The following GRID2 variants were observed in gnomAD, a reference collection of about 807,000 sequenced individuals.
GRID2 encodes the protein glutamate receptor ionotropic, delta-2.
Under a neutral mutation model 114.8 loss-of-function variants are expected in GRID2, and 33 were observed. The observed-to-expected ratio is 0.29, with a 90% CI of 0.22 to 0.38. The LOEUF (loss-of-function observed/expected upper bound fraction) is 0.38, where lower values mean the gene tolerates loss of function less well. Among genes scored for constraint, GRID2 ranks in the 10% least tolerant of loss-of-function variants. GRID2 has a pLI of 1.00. For synonymous variants in GRID2, 505 were observed against 449.9 expected (o/e 1.12, Z -1.55); for missense variants, 1,184 against 1,257.7 (o/e 0.94, Z 0.89).
At chr4:93,052,714 TAA>T (rs986706135) in intron 2 of GRID2, among the ~76,000 whole-genome samples, 13 of 151,904 alleles carry the variant, frequency 8.6e-5, no homozygotes, top group African/African-American at 3.1e-4. Context: ...TTTTAATATT[TAA>T]GTTACTATGA....
chr4:93,459,706 C>T (rs1451780651), intron 11 of GRID2, among the ~76,000 whole-genome samples: 1 of 152,134 alleles, frequency 6.6e-6, no homozygotes, highest in Non-Finnish European at 1.5e-5. Context: ...TCTTGAACTT[C>T]AGATTTGTAT....
intron 8 of GRID2, among the ~76,000 whole-genome samples, chr4:93,330,151 G>T (rs952063315): frequency 2.6e-5 from 4 of 152,122 alleles, no homozygotes; most frequent in African/African-American, 9.7e-5. Context: ...ACAAACAAAA[G>T]TGCTTTCTCC....
At chr4:93,251,688 A>G (rs1167586025) in intron 8 of GRID2, among the ~76,000 whole-genome samples, 2 of 152,082 alleles carry the variant, frequency 1.3e-5, no homozygotes, top group African/African-American at 4.8e-5. Context: ...TCCAGGCTCC[A>G]GTATGTGTCG....
intron 2 of GRID2, among the ~76,000 whole-genome samples, chr4:92,730,324 GT>G (rs1236476465): frequency 6.6e-6 from 1 of 151,658 alleles, no homozygotes; most frequent in Non-Finnish European, 1.5e-5. Context: ...AGGAAGCTTC[GT>G]TTTTTTCTCT....
rs1579239420 is a variant in GRID2 at position 93,189,811 on chromosome 4, AC to A, written c.736-17592del. ...CACACACACACACACACACACACAC[AC>A]ACAAATCTCATCTTTAAAAAAAAAA... On this transcript the variant is annotated intron_variant, in intron 4 of 15. Transcript: ENST00000282020. Among the ~76,000 whole-genome samples, 5 of 147,144 alleles carry A rather than the reference AC, an allele frequency of 3.4e-5. No individual in the cohort carries two copies. In the East Asian group the frequency reaches 1.0e-3, roughly 30 times the overall value.
chr4:92,785,456 A>G (rs1302965477), intron 2 of GRID2, among the ~76,000 whole-genome samples: 1 of 151,416 alleles, frequency 6.6e-6, no homozygotes, highest in Non-Finnish European at 1.5e-5. Context: ...TACGTTTTTG[A>G]GAAATGAGGA....
chr4:93,040,604 G>A (rs1036680896), intron 2 of GRID2, among the ~76,000 whole-genome samples: 6 of 152,130 alleles, frequency 3.9e-5, no homozygotes, highest in African/African-American at 1.4e-4. Context: ...CTGGTTAACT[G>A]TGATAATTTA....
At chr4:93,713,367 T>TA (rs145014545) in intron 14 of GRID2, among the ~76,000 whole-genome samples, 6,398 of 152,106 alleles carry the variant, frequency 0.042, 219 homozygotes, top group African/African-American at 0.084. Context: ...TTCTGCCTTT[T>TA]AAAAAAATAG....
At chr4:93,388,164 T>G (rs1025319734) in intron 8 of GRID2, among the ~76,000 whole-genome samples, 11 of 151,962 alleles carry the variant, frequency 7.2e-5, no homozygotes, top group Admixed American at 6.6e-5. Context: ...TCAAGGAGAG[T>G]TTACCCCAAA....
intron 13 of GRID2, among the ~76,000 whole-genome samples, chr4:93,544,434 C>T (rs967714551): frequency 1.3e-5 from 2 of 152,006 alleles, no homozygotes; most frequent in African/African-American, 4.8e-5. Context: ...TCTGCCAGCC[C>T]TATTTTATAT....
chr4:92,486,328 T>C (rs1211212114), intron 1 of GRID2, among the ~76,000 whole-genome samples: 2 of 151,506 alleles, frequency 1.3e-5, no homozygotes, highest in East Asian at 3.9e-4. Flanking sequence ...AATAAAGGGG[T>C]ACATCATTCA....
At chr4:93,365,174 C>G (rs1204193598) in intron 8 of GRID2, among the ~76,000 whole-genome samples, 1 of 152,068 alleles carries the variant, frequency 6.6e-6, no homozygotes, top group Admixed American at 6.6e-5. Context: ...TATGTACTAC[C>G]TCTGAGACTT....
intron 2 of GRID2, among the ~76,000 whole-genome samples, chr4:92,746,891 A>G (rs1249000196): frequency 2.0e-5 from 3 of 152,092 alleles, no homozygotes; most frequent in African/African-American, 7.2e-5. Context: ...GCCTATGCAC[A>G]CACTTCTTCC....
intron 8 of GRID2, among the ~76,000 whole-genome samples, chr4:93,296,850 G>C (rs1208922486): frequency 6.6e-6 from 1 of 152,124 alleles, no homozygotes; most frequent in Non-Finnish European, 1.5e-5. Context: ...AAATCACAGT[G>C]AATAAATTTT....
chr4:93,409,892 TAC>T (rs1306653593), intron 9 of GRID2, among the ~76,000 whole-genome samples: 15 of 152,220 alleles, frequency 9.9e-5, no homozygotes, highest in Admixed American at 7.9e-4. Context: ...AGATGTGTTA[TAC>T]AGTTTACTTC....
At chr4:93,172,207 A>G (rs1738896419) in intron 4 of GRID2, among the ~76,000 whole-genome samples, 1 of 152,162 alleles carries the variant, frequency 6.6e-6, no homozygotes, top group African/African-American at 2.4e-5. Flanking sequence ...GTGGTAGTCA[A>G]AGGACCTGCT....
In GRID2 at chr4:93,559,865, G is replaced by A. The variant is rs1258025328; in HGVS notation, c.2193+44454G>A. Among the ~76,000 whole-genome samples the A allele has an allele frequency of 2.6e-5, 4 of 152,130 alleles. No individual in the cohort carries two copies. The East Asian group carries it at 7.7e-4, about 29-fold the overall frequency. On this transcript the variant is annotated intron_variant, in intron 13 of 15. Coordinates refer to ENST00000282020, the MANE Select transcript of GRID2 (RefSeq NM_001510.4). The stretch of plus-strand genomic sequence containing the variant: ...CAATTATAGACTAGATAAAGAAAAT[G>A]TGGCACATATGCACCATGGAATACA...
chr4:92,375,349 C>A (rs1427434213), intron 1 of GRID2, among the ~76,000 whole-genome samples: 6 of 151,454 alleles, frequency 4.0e-5, no homozygotes, highest in Non-Finnish European at 8.8e-5. Flanking sequence ...TCTTTTTAGC[C>A]CTTGTAATTT....
intron 8 of GRID2, among the ~76,000 whole-genome samples, chr4:93,264,545 T>C (rs1337495157): frequency 6.6e-6 from 1 of 151,442 alleles, no homozygotes; most frequent in Non-Finnish European, 1.5e-5. Flanking sequence ...CCAAAGCACT[T>C]ACACGAAGAC....
Sources: allele counts gnomAD v4.1 joint callset (sites outside exome capture counted in the v4.1 genomes callset), GRCh38; gene constraint gnomAD v4.1.1; transcripts MANE v1.5; gene names NCBI Gene and HGNC (gene_info 2026-07-23, HGNC 2026-07-21).